Variants in GPCPD1 observed in about 807,000 individuals in gnomAD.
The protein encoded by GPCPD1 is glycerophosphocholine phosphodiesterase 1.
In GPCPD1, 29 loss-of-function variants were observed where a neutral mutation model predicts 89.2. That is an observed-to-expected ratio of 0.33 (90% CI 0.24 to 0.44). The LOEUF (loss-of-function observed/expected upper bound fraction) is 0.44, where lower values mean the gene tolerates loss of function less well. Among genes scored for constraint, GPCPD1 ranks in the 20% least tolerant of loss-of-function variants. GPCPD1 has a pLI of 1.00. For missense variants in GPCPD1, 594 were observed against 808.9 expected, an observed-to-expected ratio of 0.73 and a Z score of 3.22; for synonymous variants, 258 against 266.3, an observed-to-expected ratio of 0.97 and a Z score of 0.30.
chr20:5,578,565 C>A lies in GPCPD1; in HGVS notation c.520G>T (p.Val174Leu), dbSNP rs556021601. Residue 174 changes from valine (V) to leucine (L), a missense_variant, in exon 8 of 20, where the codon GTA becomes TTA. Physicochemically the swap from Val to Leu is conservative, Grantham distance 32 (BLOSUM62 1). Transcript: ENST00000379019. Reference sequence around the variant, plus strand: ...ATTTTGTGGAGTACAGTGGGAGATACCCTATCATCGTCATCTTCCTCCAGG... The same window carrying A: ...ATTTTGTGGAGTACAGTGGGAGATAACCTATCATCGTCATCTTCCTCCAGG... ...EGLEEDDDDR[V>L]SPTVLHKMSN... 1.1e-5 allele frequency: 18 copies of A among 1,613,256 alleles called. No homozygotes were observed. The highest frequency in any genetic ancestry group is 1.5e-5 in the Non-Finnish European group (18 of 1,179,338).
At chr20:5,609,208 T>C (rs547917371) in intron 1 of GPCPD1, among the ~76,000 whole-genome samples, 1 of 152,334 alleles carries the variant, frequency 6.6e-6, no homozygotes, top group South Asian at 2.1e-4. Context: ...CAATTCTTCT[T>C]GCCCTTTCCC....
chr20:5,564,996 T>A, intron 15 of GPCPD1, 21 bp downstream of exon 15: 1 of 1,229,984 alleles, frequency 8.1e-7, no homozygotes, highest in Non-Finnish European at 1.2e-6. Flanking sequence ...AGCCTTGCCT[T>A]GGTTTTCCTC....
At chr20:5,565,519 G>A (rs1025496178) in intron 14 of GPCPD1, among the ~76,000 whole-genome samples, 8 of 152,028 alleles carry the variant, frequency 5.3e-5, no homozygotes, top group South Asian at 4.1e-4. Context: ...GTGAGCCACC[G>A]TGTCCAGCCC....
intron 3 of GPCPD1, among the ~76,000 whole-genome samples, chr20:5,593,719 T>C (rs1486923436): frequency 5.9e-5 from 9 of 152,202 alleles, no homozygotes; most frequent in Admixed American, 5.9e-4. Context: ...GAGGAAGCGC[T>C]GTCTGAGCTC....
At chr20:5,584,506 A>C in intron 5 of GPCPD1, 184 bp from the exon 6 acceptor site, 3 of 431,708 alleles carry the variant, frequency 6.9e-6, no homozygotes, top group East Asian at 8.4e-5. Context: ...GGAGGCTAGC[A>C]AACAGTAATG....
Position 5,561,538 on chromosome 20 carries a change from T to A in GPCPD1, c.1330-8A>T, listed in dbSNP as rs113234983. The A allele has an allele frequency of 4.5e-6, 7 of 1,568,792 alleles. No homozygotes were observed. The highest frequency in any genetic ancestry group is 1.7e-4 in the Middle Eastern group (1 of 5,944). ...TGGCAAAGACTCTAAAACCTACAGT[T>A]TTGTTTGTTGGTAAATTTTGTTTTT... On this transcript the variant is annotated splice_region_variant and splice_polypyrimidine_tract_variant and intron_variant, in intron 15 of 19. Transcript: ENST00000379019.
chr20:5,595,441 G>A (rs2122766718), intron 3 of GPCPD1, among the ~76,000 whole-genome samples: 1 of 152,120 alleles, frequency 6.6e-6, no homozygotes, highest in African/African-American at 2.4e-5. Flanking sequence ...AGGAGTTCAA[G>A]ACCAGCCTGA....
chr20:5,590,383 C>T (rs1979238178), intron 4 of GPCPD1, among the ~76,000 whole-genome samples: 1 of 151,156 alleles, frequency 6.6e-6, no homozygotes, highest in Non-Finnish European at 1.5e-5. Flanking sequence ...TCTACTAAAA[C>T]AATATAAAAA....
chr20:5,575,977 T>C lies in GPCPD1; in HGVS notation c.707A>G (p.Glu236Gly). The change falls in exon 9 of 20, where the codon GAA becomes GGA. Residue 236 changes from glutamate (E) to glycine (G), a missense_variant and splice_region_variant. By Grantham distance (98) the Glu-to-Gly change is moderately conservative (BLOSUM62 -2). Transcript: ENST00000379019. ...NLELIFDFFE[E>G]DLSEHVVQGD... ...CTGAACTACGTGCTCACTGAGATCT[T>C]CCTGAAAAAATGAGATTTAAAATAA... 1.3e-6 allele frequency: 2 copies of C among 1,564,484 alleles called. No homozygotes were observed. The highest frequency in any genetic ancestry group is 8.7e-7 in the Non-Finnish European group (1 of 1,144,766).
chr20:5,570,712 C>T (rs1379633501), intron 11 of GPCPD1, among the ~76,000 whole-genome samples: 1 of 152,166 alleles, frequency 6.6e-6, no homozygotes, highest in Non-Finnish European at 1.5e-5. Flanking sequence ...TACAGCCTTT[C>T]TCAGCAAAAT....
At chr20:5,555,958 G>A (rs923923932) in intron 19 of GPCPD1, among the ~76,000 whole-genome samples, 4 of 152,114 alleles carry the variant, frequency 2.6e-5, no homozygotes, top group South Asian at 2.1e-4. Flanking sequence ...AAGAGTCCAC[G>A]GGTACAGCAG....
At chr20:5,580,452 A>G (rs1046444343) in intron 6 of GPCPD1, among the ~76,000 whole-genome samples, 2 of 152,150 alleles carry the variant, frequency 1.3e-5, no homozygotes, top group African/African-American at 4.8e-5. Flanking sequence ...CCGGGCGGGC[A>G]TGGTGGCTCA....
intron 4 of GPCPD1, among the ~76,000 whole-genome samples, chr20:5,590,864 T>C (rs1012189833): frequency 5.9e-5 from 9 of 152,112 alleles, no homozygotes; most frequent in Non-Finnish European, 1.0e-4. Context: ...TTAGCAGCTA[T>C]GAAAGTTAGA....
intron 3 of GPCPD1, among the ~76,000 whole-genome samples, chr20:5,595,596 G>A (rs184255314): frequency 1.2e-4 from 18 of 152,090 alleles, no homozygotes; most frequent in South Asian, 2.1e-4. Context: ...AGCCCAGATC[G>A]CGCCACTGTA....
intron 1 of GPCPD1, among the ~76,000 whole-genome samples, chr20:5,609,847 T>C (rs1363340426): frequency 3.9e-5 from 3 of 77,910 alleles, no homozygotes; most frequent in African/African-American, 2.0e-4. Flanking sequence ...TTAGGAATTT[T>C]GAAAAAAAAA....
At chr20:5,560,169 A>AC (rs753363743) in intron 16 of GPCPD1, 93 bp from the exon 17 acceptor site, 29 of 785,838 alleles carry the variant, frequency 3.7e-5, no homozygotes, top group South Asian at 3.5e-4. Flanking sequence ...TGATGAAAAA[A>AC]CCCCTGACAG....
chr20:5,584,120 T>C (rs1048955183), intron 6 of GPCPD1, among the ~76,000 whole-genome samples, 161 bp downstream of exon 6: 2 of 152,218 alleles, frequency 1.3e-5, no homozygotes, highest in Non-Finnish European at 2.9e-5. Flanking sequence ...ATTATAATCA[T>C]ATGAGACTGC....
chr20:5,576,737 T>C (rs1978290179), intron 8 of GPCPD1, among the ~76,000 whole-genome samples: 1 of 152,204 alleles, frequency 6.6e-6, no homozygotes, highest in South Asian at 2.1e-4. Flanking sequence ...TCACATGGGA[T>C]AGGAACTCTC....
intron 19 of GPCPD1, chr20:5,548,876 CCT>C: frequency 1.0e-6 from 1 of 1,004,214 alleles, no homozygotes. Context: ...TCCTAATCCC[CCT>C]GTGAAGAGGA....
Sources: gnomAD v4.1 joint callset for allele counts (sites outside exome capture counted in the v4.1 genomes callset) on GRCh38, gnomAD v4.1.1 for gene constraint, MANE v1.5 for transcripts, NCBI Gene and HGNC (gene_info 2026-07-23, HGNC 2026-07-21) for gene names.